PEX2: variants seen among roughly 807,000 people sequenced by gnomAD.
The protein encoded by PEX2 is peroxisome biogenesis factor 2.
A neutral mutation model predicts 25.2 loss-of-function variants in PEX2; 19 were observed. The ratio of observed to expected loss-of-function variants is 0.75; its 90% CI spans 0.53 to 1.10. The LOEUF is 1.10. Among genes scored for constraint, PEX2 ranks in the 50% least tolerant of loss-of-function variants. The pLI is 0.00. For synonymous variants in PEX2, 141 were observed against 127.7 expected (o/e 1.10, Z -0.70); for missense variants, 347 against 350.6 (o/e 0.99, Z 0.08).
At chr8:76,992,148 C>A (rs1457265542) in intron 1 of PEX2, among the ~76,000 whole-genome samples, 1 of 152,154 alleles carries the variant, frequency 6.6e-6, no homozygotes, top group Non-Finnish European at 1.5e-5. Context: ...TTCAGTGGAA[C>A]TCACTGCCCA....
chr8:76,991,771 C>T (rs374918933), intron 1 of PEX2, among the ~76,000 whole-genome samples: 2 of 152,130 alleles, frequency 1.3e-5, no homozygotes, highest in Admixed American at 6.6e-5. Flanking sequence ...TCATTAGCCT[C>T]GGATTCTTCT....
chr8:76,985,269 T>C (rs1015612931), intron 3 of PEX2, among the ~76,000 whole-genome samples: 11 of 151,944 alleles, frequency 7.2e-5, no homozygotes, highest in Non-Finnish European at 1.0e-4. Flanking sequence ...GTCAAACTTA[T>C]TGAAACAGAG....
At chr8:76,992,822 T>A (rs1205496816) in intron 1 of PEX2, among the ~76,000 whole-genome samples, 1 of 152,200 alleles carries the variant, frequency 6.6e-6, no homozygotes, top group East Asian at 1.9e-4. Context: ...TATTCAAGCA[T>A]TTTAAAAGAC....
At position 76,985,966 on chromosome 8, in the gene PEX2, T is replaced by A. The variant is rs562238366; in HGVS notation, c.-18+221A>T. Among the ~76,000 whole-genome samples the A allele has an allele frequency of 1.2e-3, 186 of 152,290 alleles. 6 individuals are homozygous for A. Among genetic ancestry groups the A allele is most frequent in the Admixed American group, 0.012 (185 of 15,298 alleles). ...CTTGTACTTCTTGAAATTGGGAGTA[T>A]CTTTGACAACCAAAGTTGTTTTCAA... is the stretch of plus-strand genomic sequence containing the variant. On this transcript the variant is annotated intron_variant, in intron 3 of 3. Coordinates refer to ENST00000357039, the MANE Select transcript of PEX2 (RefSeq NM_000318.3).
At position 76,999,171 on chromosome 8, in the gene PEX2, G is replaced by C. The variant is rs1316207931; in HGVS notation, c.-160+819C>G. Among the ~76,000 whole-genome samples the C allele has an allele frequency of 3.3e-5, 5 of 152,120 alleles. No individual in the cohort carries two copies. The East Asian group carries it at 7.7e-4, about 23-fold the overall frequency. ...GTAACACTTTAGGGGAAGGTGTTTAGACTACAAGCTGCGGTGTTGTGAGCG... is the reference window on the plus strand; with the variant it reads ...GTAACACTTTAGGGGAAGGTGTTTACACTACAAGCTGCGGTGTTGTGAGCG... On this transcript the variant is annotated intron_variant, in intron 1 of 3. Transcript: ENST00000357039.
Position 76,984,016 on chromosome 8 carries a change from C to T in PEX2, c.163G>A (p.Glu55Lys), listed in dbSNP as rs61752119. Residue 55 changes from glutamate to lysine, a missense_variant, in exon 4 of 4, where the codon GAG becomes AAG. Physicochemically the swap from Glu to Lys is moderately conservative, Grantham distance 56. Coordinates refer to ENST00000357039, the MANE Select transcript of PEX2 (RefSeq NM_000318.3). The part of the protein sequence containing the change: ...KPGLLARFEP[E>K]VKACLWVFLW... The stretch of plus-strand genomic sequence containing the variant: ...AAAACCCATAAGCACGCTTTCACCT[C>T]TGGCTCAAAGCGAGCTAACAGCCCA... 30 of 1,613,880 alleles carry T rather than the reference C, an allele frequency of 1.9e-5. No homozygotes were observed. Among genetic ancestry groups the T allele is most frequent in the Non-Finnish European group, 2.4e-5 (28 of 1,179,822 alleles).
chr8:76,999,868 A>G (rs1405745164), intron 1 of PEX2, 122 bp downstream of exon 1: 2 of 456,470 alleles, frequency 4.4e-6, no homozygotes, highest in Non-Finnish European at 8.8e-6. Flanking sequence ...GGGAGACAGG[A>G]AGCCAATAAA....
intron 1 of PEX2, among the ~76,000 whole-genome samples, chr8:76,999,577 C>T (rs559977906): frequency 2.6e-5 from 4 of 152,290 alleles, no homozygotes; most frequent in African/African-American, 7.2e-5. Context: ...ATTTTTTGTA[C>T]TACATATAAC....
chr8:76,990,434 C>CT (rs1563610140), intron 1 of PEX2, among the ~76,000 whole-genome samples: 11 of 152,134 alleles, frequency 7.2e-5, no homozygotes, highest in Admixed American at 7.2e-4. Context: ...AAAGGTCTAC[C>CT]TTTTGGCCTG....
intron 2 of PEX2, among the ~76,000 whole-genome samples, chr8:76,986,743 A>G (rs1227793771): frequency 6.6e-6 from 1 of 152,078 alleles, no homozygotes; most frequent in African/African-American, 2.4e-5. Context: ...CTGACTCCAA[A>G]TTTGGGTTGC....
chr8:77,000,915 A>G (rs1586082704), upstream of PEX2: 1 of 152,246 alleles, frequency 6.6e-6, no homozygotes, highest in African/African-American at 2.4e-5. Context: ...GAGGATCGCC[A>G]CTGCCTTCTC....
In PEX2 at chr8:76,982,972, A is replaced by G; in HGVS notation, c.*289T>C. 1 of 605,746 alleles carries G rather than the reference A, an allele frequency of 1.7e-6. No homozygotes were observed. Among genetic ancestry groups the G allele is most frequent in the Non-Finnish European group, 2.5e-6 (1 of 400,112 alleles). The allele number at this position is 605,746 out of a possible 1,614,324, so 37.5% of individuals were successfully genotyped here. On this transcript the variant is annotated 3_prime_UTR_variant, in exon 4 of 4. Coordinates refer to ENST00000357039, the MANE Select transcript of PEX2 (RefSeq NM_000318.3). Reference sequence around the variant, plus strand: ...AGAATCCAACCTTGTTTTAAGAAGTAGTAAAATGAAGGAGCATTGTTAGTA... The same window carrying G: ...AGAATCCAACCTTGTTTTAAGAAGTGGTAAAATGAAGGAGCATTGTTAGTA...
At chr8:76,992,604 G>C (rs1807205096) in intron 1 of PEX2, among the ~76,000 whole-genome samples, 3 of 151,888 alleles carry the variant, frequency 2.0e-5, no homozygotes, top group Admixed American at 2.0e-4. Flanking sequence ...GTTATAATAG[G>C]TATGAAGCAT....
chr8:76,995,404 A>G (rs1807294627), intron 1 of PEX2, among the ~76,000 whole-genome samples: 1 of 152,214 alleles, frequency 6.6e-6, no homozygotes, highest in South Asian at 2.1e-4. Flanking sequence ...ACATTTCTAA[A>G]ATGTATCTGA....
At chr8:77,000,194 C>T (rs1459916609), upstream of PEX2, 10 of 283,634 alleles carry the variant, frequency 3.5e-5, no homozygotes, top group Non-Finnish European at 2.8e-5. Context: ...CTGCTGAAGG[C>T]ACTGGATGGC....
chr8:76,990,676 T>C (rs992548428), intron 1 of PEX2, among the ~76,000 whole-genome samples: 3 of 152,140 alleles, frequency 2.0e-5, no homozygotes, highest in Admixed American at 6.5e-5. Context: ...CCATCTTATA[T>C]GGATACAGTT....
intron 2 of PEX2, among the ~76,000 whole-genome samples, chr8:76,987,375 GAAT>G (rs1301526525): frequency 6.6e-6 from 1 of 152,126 alleles, no homozygotes; most frequent in Non-Finnish European, 1.5e-5. Context: ...AGGAGGGTAA[GAAT>G]ACTATTGCCA....
At chr8:76,993,013 A>G (rs888455517) in intron 1 of PEX2, among the ~76,000 whole-genome samples, 3 of 152,208 alleles carry the variant, frequency 2.0e-5, no homozygotes, top group Non-Finnish European at 4.4e-5. Flanking sequence ...TAGCTGGGAC[A>G]TACGGACATG....
chr8:76,996,825 G>A (rs1481941586), intron 1 of PEX2, among the ~76,000 whole-genome samples: 1 of 152,072 alleles, frequency 6.6e-6, no homozygotes, highest in African/African-American at 2.4e-5. Flanking sequence ...TCACAACACA[G>A]TAAGTACAGT....
Sources: gnomAD v4.1 joint callset for allele counts (sites outside exome capture counted in the v4.1 genomes callset) on GRCh38, gnomAD v4.1.1 for gene constraint, MANE v1.5 for transcripts, NCBI Gene and HGNC (gene_info 2026-07-23, HGNC 2026-07-21) for gene names.